Variants in ESRRG observed in about 807,000 individuals in gnomAD.
The protein encoded by ESRRG is estrogen related receptor gamma.
A neutral mutation model predicts 44.0 loss-of-function variants in ESRRG; 13 were observed. That is an observed-to-expected ratio of 0.30 (90% CI 0.19 to 0.47). The LOEUF (loss-of-function observed/expected upper bound fraction) is 0.47. Among genes scored for constraint, ESRRG ranks in the 20% least tolerant of loss-of-function variants. The pLI is 1.00. For missense variants in ESRRG, 395 were observed against 580.6 expected (o/e 0.68, Z 3.29); for synonymous variants, 215 against 214.6 (o/e 1.00, Z -0.02).
intron 2 of ESRRG, among the ~76,000 whole-genome samples, chr1:216,653,468 A>G (rs140125740): frequency 2.6e-4 from 39 of 152,324 alleles, no homozygotes; most frequent in African/African-American, 8.7e-4. Context: ...CCTTTCATTT[A>G]CTTTTCCAGC....
At chr1:216,855,374 C>A (rs562058152) in intron 2 of ESRRG, among the ~76,000 whole-genome samples, 71 of 152,102 alleles carry the variant, frequency 4.7e-4, no homozygotes, top group South Asian at 8.3e-4. Flanking sequence ...GTGCCAGTCA[C>A]TGGGATAAGA....
At chr1:216,668,865 A>G (rs2074545000) in intron 2 of ESRRG, among the ~76,000 whole-genome samples, 1 of 152,214 alleles carries the variant, frequency 6.6e-6, no homozygotes, top group African/African-American at 2.4e-5. Context: ...ATAATAGACT[A>G]AAAAAAGTCA....
chr1:216,516,088 T>C (rs2044178153), intron 6 of ESRRG, among the ~76,000 whole-genome samples: 1 of 152,094 alleles, frequency 6.6e-6, no homozygotes, highest in African/African-American at 2.4e-5. Flanking sequence ...AATTGTGACC[T>C]AGAGTTTTCT....
intron 1 of ESRRG, among the ~76,000 whole-genome samples, chr1:216,704,212 C>T (rs527992750): frequency 8.5e-5 from 13 of 152,120 alleles, no homozygotes; most frequent in African/African-American, 2.4e-4. Context: ...GTTAACTAAC[C>T]CTAAACATCT....
intron 1 of ESRRG, among the ~76,000 whole-genome samples, chr1:217,050,941 A>T (rs967236697): frequency 6.6e-6 from 1 of 152,064 alleles, no homozygotes. Context: ...TGCTTTGGCC[A>T]TTCAGGTTAG....
intron 2 of ESRRG, among the ~76,000 whole-genome samples, chr1:216,831,076 G>T (rs980748364): frequency 6.6e-6 from 1 of 151,902 alleles, no homozygotes; most frequent in Non-Finnish European, 1.5e-5. Flanking sequence ...TTTCCACTGT[G>T]ATCTATATTG....
intron 1 of ESRRG, among the ~76,000 whole-genome samples, chr1:216,700,666 C>T (rs2081230114): frequency 6.6e-6 from 1 of 152,178 alleles, no homozygotes; most frequent in African/African-American, 2.4e-5. Context: ...ATAGGAGAAA[C>T]TGAAGATGAG....
chr1:216,811,317 T>A (rs2094961590), intron 2 of ESRRG, among the ~76,000 whole-genome samples: 1 of 152,150 alleles, frequency 6.6e-6, no homozygotes, highest in African/African-American at 2.4e-5. Flanking sequence ...TCGTCCACAT[T>A]TGTAATGGGC....
chr1:216,879,670 G>A (rs915105166), intron 2 of ESRRG, among the ~76,000 whole-genome samples: 1 of 152,228 alleles, frequency 6.6e-6, no homozygotes, highest in South Asian at 2.1e-4. Context: ...TGGAAGCACT[G>A]TTATAGAATT....
intron 2 of ESRRG, among the ~76,000 whole-genome samples, chr1:216,672,458 C>T (rs1047134395): frequency 7.2e-5 from 11 of 152,154 alleles, no homozygotes; most frequent in African/African-American, 2.7e-4. Context: ...ATTTGTATTA[C>T]TTTTCTCAAG....
chr1:216,962,877 G>A (rs1209897842), intron 1 of ESRRG, among the ~76,000 whole-genome samples: 1 of 152,080 alleles, frequency 6.6e-6, no homozygotes, highest in Non-Finnish European at 1.5e-5. Flanking sequence ...ATGACAAGAC[G>A]GGAAGTCTAA....
rs2064130876 is a variant in ESRRG, at chr1:216,936,228, T to C, written c.-14+3354A>G. On this transcript the variant is annotated intron_variant, in intron 2 of 7. Transcript: ENST00000359162. Reference sequence around the variant, plus strand: ...ATATTTCTTTTTATAAATCACAACCTCATAGTAGATGTTTGGCTTCTTGTA... The same window carrying C: ...ATATTTCTTTTTATAAATCACAACCCCATAGTAGATGTTTGGCTTCTTGTA... Among the ~76,000 whole-genome samples the C allele has an allele frequency of 2.0e-5, 3 of 152,146 alleles. No homozygotes were observed. In the South Asian group the frequency reaches 6.2e-4, roughly 32 times the overall value.
intron 2 of ESRRG, among the ~76,000 whole-genome samples, chr1:216,816,493 G>T (rs2095142261): frequency 6.6e-6 from 1 of 152,124 alleles, no homozygotes; most frequent in South Asian, 2.1e-4. Context: ...CTAACATAAT[G>T]CCTTTTGTGG....
intron 3 of ESRRG, among the ~76,000 whole-genome samples, chr1:216,611,514 T>G (rs1435504757): frequency 3.3e-5 from 5 of 152,120 alleles, no homozygotes; most frequent in African/African-American, 1.2e-4. Flanking sequence ...ACATAGGAAA[T>G]TCAAATAAGC....
intron 1 of ESRRG, among the ~76,000 whole-genome samples, chr1:217,046,134 C>G (rs1454263211): frequency 6.6e-6 from 1 of 151,132 alleles, no homozygotes; most frequent in East Asian, 1.9e-4. Flanking sequence ...TGTCAGGAAC[C>G]ACTGAGAGCC....
At chr1:216,896,832 C>T (rs1304431341) in intron 2 of ESRRG, among the ~76,000 whole-genome samples, 1 of 152,172 alleles carries the variant, frequency 6.6e-6, no homozygotes. Context: ...GCACCTCTCA[C>T]TTTACAGGCA....
intron 3 of ESRRG, among the ~76,000 whole-genome samples, chr1:216,602,634 GAGA>G (rs2059403207): frequency 6.6e-6 from 1 of 152,138 alleles, no homozygotes; most frequent in African/African-American, 2.4e-5. Flanking sequence ...GTGCAGCGGA[GAGA>G]AGATCTGCAA....
At chr1:216,741,291 A>G (rs2090680839) in intron 2 of ESRRG, among the ~76,000 whole-genome samples, 1 of 147,340 alleles carries the variant, frequency 6.8e-6, no homozygotes, top group South Asian at 2.1e-4. Context: ...TTATATTTGT[A>G]ATTTATATTA....
At chr1:216,615,141 G>T (rs1245237852) in intron 3 of ESRRG, among the ~76,000 whole-genome samples, 2 of 152,170 alleles carry the variant, frequency 1.3e-5, no homozygotes, top group Non-Finnish European at 2.9e-5. Context: ...GGGGTGATGA[G>T]CCTGTCACAT....
Sources: allele counts gnomAD v4.1 joint callset (sites outside exome capture counted in the v4.1 genomes callset), GRCh38; gene constraint gnomAD v4.1.1; transcripts MANE v1.5; gene names NCBI Gene and HGNC (gene_info 2026-07-23, HGNC 2026-07-21).